PHYHIPL: variants seen among roughly 807,000 people sequenced by gnomAD.
PHYHIPL encodes the protein phytanoyl-CoA 2-hydroxylase interacting protein like, also known as phytanoyl-CoA hydroxylase-interacting protein-like.
Under a neutral mutation model 33.4 loss-of-function variants are expected in PHYHIPL, and 9 were observed. The observed-to-expected ratio is 0.27, with a 90% CI of 0.16 to 0.47. The LOEUF (loss-of-function observed/expected upper bound fraction) is 0.47, where lower values mean the gene tolerates loss of function less well. Ranked by LOEUF, PHYHIPL falls within the 20% of genes least tolerant of loss-of-function variation. The pLI, the probability that PHYHIPL is intolerant of heterozygous loss-of-function variation, is 0.99. For missense variants in PHYHIPL, 365 were observed against 460.7 expected, an observed-to-expected ratio of 0.79 and a Z score of 1.90; for synonymous variants, 153 against 154.1, an observed-to-expected ratio of 0.99 and a Z score of 0.05.
chr10:59,222,161 A>G (rs1839796004), intron 1 of PHYHIPL, among the ~76,000 whole-genome samples: 2 of 152,116 alleles, frequency 1.3e-5, no homozygotes, highest in African/African-American at 4.8e-5. Context: ...ATGGATTTCA[A>G]ACAAGCCCAG....
chr10:59,205,533 C>T (rs1241434372), intron 1 of PHYHIPL, among the ~76,000 whole-genome samples: 1 of 151,998 alleles, frequency 6.6e-6, no homozygotes, highest in African/African-American at 2.4e-5. Flanking sequence ...GAGTATTTTT[C>T]TCTTGTATTT....
rs1208665211 is a variant in PHYHIPL, at chr10:59,247,343, A to T, written c.*1752A>T. The stretch of plus-strand genomic sequence containing the variant: ...ATTTGATAAAATATTAGACATTTTT[A>T]AAAATACTTGTATTGACTATGAGTT... On this transcript the variant is annotated 3_prime_UTR_variant, in exon 5 of 5. Transcript: ENST00000373880. The T allele has an allele frequency of 1.3e-5, 5 of 375,766 alleles. No homozygotes were observed. Among genetic ancestry groups the T allele is most frequent in the African/African-American group, 4.3e-5 (2 of 46,540 alleles). The allele number at this position is 375,766 out of a possible 1,614,324, so 23.3% of individuals were successfully genotyped here. A position where few individuals can be genotyped will look rare whatever the true frequency, so the allele number is the denominator to read the frequency against.
intron 1 of PHYHIPL, among the ~76,000 whole-genome samples, chr10:59,200,818 C>T (rs1447644378): frequency 2.0e-5 from 3 of 152,180 alleles, no homozygotes; most frequent in Non-Finnish European, 4.4e-5. Context: ...TTATCCATTT[C>T]TCCTAGATTT....
chr10:59,243,800 T>C (rs1014806855), intron 4 of PHYHIPL, among the ~76,000 whole-genome samples: 6 of 151,866 alleles, frequency 4.0e-5, no homozygotes, highest in Admixed American at 3.9e-4. Flanking sequence ...CTTGGGGAAT[T>C]CTGGAGAGAA....
At chr10:59,241,555 C>G (rs7477459) in intron 4 of PHYHIPL, among the ~76,000 whole-genome samples, 33,523 of 152,080 alleles carry the variant, frequency 0.22, 5,105 homozygotes, top group African/African-American at 0.42. Flanking sequence ...AGGAATTCCT[C>G]TACCTCTGGT....
intron 1 of PHYHIPL, among the ~76,000 whole-genome samples, chr10:59,227,010 T>C (rs930029904): frequency 1.3e-5 from 2 of 152,182 alleles, no homozygotes; most frequent in African/African-American, 2.4e-5. Flanking sequence ...AAAAAGTTAC[T>C]TTAAAAAGAT....
chr10:59,224,493 A>AACAAAACAAT (rs1839868094), intron 1 of PHYHIPL, among the ~76,000 whole-genome samples: 1 of 146,226 alleles, frequency 6.8e-6, no homozygotes, highest in Non-Finnish European at 1.5e-5. Context: ...AACAAAACAA[A>AACAAAACAAT]ACAAAAAACA....
chr10:59,236,821 T>G (rs1394270391), intron 3 of PHYHIPL, among the ~76,000 whole-genome samples, 164 bp downstream of exon 3: 1 of 151,976 alleles, frequency 6.6e-6, no homozygotes, highest in Non-Finnish European at 1.5e-5. Flanking sequence ...TTGTATTGAT[T>G]GGAGGAAGCT....
In PHYHIPL at chr10:59,231,127, A is replaced by T. The variant is rs145441454; in HGVS notation, c.107-3177A>T. 4.8e-3 allele frequency among the ~76,000 whole-genome samples: 724 copies of T among 152,286 alleles called. 4 individuals are homozygous for T. The highest frequency in any genetic ancestry group is 0.017 in the African/African-American group (699 of 41,570). On this transcript the variant is annotated intron_variant, in intron 1 of 4. Coordinates refer to ENST00000373880, the MANE Select transcript of PHYHIPL (RefSeq NM_032439.4). The stretch of plus-strand genomic sequence containing the variant: ...AAACAATTTTTTTTCCTAAATACTT[A>T]AAGAAATGAGAGGAAAAGTAAACCA...
intron 4 of PHYHIPL, among the ~76,000 whole-genome samples, chr10:59,241,309 A>AT (rs1840387564): frequency 6.6e-6 from 1 of 151,382 alleles, no homozygotes; most frequent in Non-Finnish European, 1.5e-5. Context: ...TTTATAATCC[A>AT]TTTTGAATTA....
At chr10:59,204,833 G>T (rs1237034362) in intron 1 of PHYHIPL, among the ~76,000 whole-genome samples, 1 of 150,196 alleles carries the variant, frequency 6.7e-6, no homozygotes, top group African/African-American at 2.4e-5. Context: ...TGCTCATTTA[G>T]ACAGGATCAG....
In PHYHIPL at chr10:59,180,328, A is replaced by G. The variant is rs1238239119; in HGVS notation, c.106+3369A>G. Among the ~76,000 whole-genome samples the G allele has an allele frequency of 8.9e-3, 486 of 54,422 alleles. 9 individuals carry two copies. Among genetic ancestry groups the G allele is most frequent in the African/African-American group, 0.022 (452 of 20,656 alleles). The allele number at this position is 54,422 out of a possible 152,430, so 35.7% of individuals were successfully genotyped here. ...ATATAGAAAAAGTATATATATATAT[A>G]TATATATATATATATATATATATAT... On this transcript the variant is annotated intron_variant, in intron 1 of 4. Coordinates refer to ENST00000373880, the MANE Select transcript of PHYHIPL (RefSeq NM_032439.4).
At chr10:59,197,462 G>A (rs1392818651) in intron 1 of PHYHIPL, among the ~76,000 whole-genome samples, 1 of 152,090 alleles carries the variant, frequency 6.6e-6, no homozygotes, top group East Asian at 1.9e-4. Flanking sequence ...CTGTTACCCT[G>A]TTGTGCAAAA....
At chr10:59,175,388 C>T (rs1330334289), upstream of PHYHIPL, among the ~76,000 whole-genome samples, 1 of 152,146 alleles carries the variant, frequency 6.6e-6, no homozygotes, top group Non-Finnish European at 1.5e-5. Flanking sequence ...ATTAATTAGA[C>T]TTCATCATGT....
At chr10:59,206,385 C>A (rs1194896819) in intron 1 of PHYHIPL, among the ~76,000 whole-genome samples, 4 of 152,200 alleles carry the variant, frequency 2.6e-5, no homozygotes, top group Non-Finnish European at 5.9e-5. Context: ...TCTTGATTAT[C>A]TCTCCCTTCC....
chr10:59,178,258 T>C (rs1222844156), intron 1 of PHYHIPL, among the ~76,000 whole-genome samples: 1 of 152,044 alleles, frequency 6.6e-6, no homozygotes, highest in Non-Finnish European at 1.5e-5. Flanking sequence ...TAATTTCTGA[T>C]ACAGGTGTAG....
intron 1 of PHYHIPL, among the ~76,000 whole-genome samples, chr10:59,223,430 A>G (rs1361191492): frequency 1.3e-5 from 2 of 152,070 alleles, no homozygotes; most frequent in Non-Finnish European, 1.5e-5. Flanking sequence ...ACTTTCCATT[A>G]TACCTCAGTC....
At chr10:59,206,783 A>G in intron 1 of PHYHIPL, 1 of 1,238,058 alleles carries the variant, frequency 8.1e-7, no homozygotes, top group Non-Finnish European at 1.0e-6. Flanking sequence ...ATCCAAACAG[A>G]CAAGAAAAGG....
intron 2 of PHYHIPL, 48 bp from the exon 3 acceptor site, chr10:59,236,435 C>T (rs763539723): frequency 3.1e-5 from 39 of 1,260,394 alleles, no homozygotes; most frequent in Non-Finnish European, 4.1e-5. Flanking sequence ...CTTCGTCCCT[C>T]TCTGTCTCCC....
Sources: gnomAD v4.1 joint callset for allele counts (sites outside exome capture counted in the v4.1 genomes callset) on GRCh38, gnomAD v4.1.1 for gene constraint, MANE v1.5 for transcripts, NCBI Gene and HGNC (gene_info 2026-07-23, HGNC 2026-07-21) for gene names.